Variants in BORCS5 observed in about 807,000 individuals in gnomAD.
The protein encoded by BORCS5 is BLOC-1-related complex subunit 5.
A neutral mutation model predicts 22.1 loss-of-function variants in BORCS5; 17 were observed. That is an observed-to-expected ratio of 0.77 (90% CI 0.53 to 1.15). The LOEUF (loss-of-function observed/expected upper bound fraction) is 1.15, where lower values mean the gene tolerates loss of function less well. Ranked by LOEUF, BORCS5 falls within the 50% of genes most tolerant of loss-of-function variation. BORCS5 has a pLI of 0.00. For synonymous variants in BORCS5, 117 were observed against 99.8 expected (o/e 1.17, Z -1.03); for missense variants, 247 against 253.2 (o/e 0.98, Z 0.17).
intron 2 of BORCS5, among the ~76,000 whole-genome samples, chr12:12,383,490 G>A (rs1863817561): frequency 6.6e-6 from 1 of 151,244 alleles, no homozygotes; most frequent in Non-Finnish European, 1.5e-5. Flanking sequence ...TTGGACTTCA[G>A]GTCCCCAACC....
In BORCS5 at chr12:12,427,469, C is replaced by A. The variant is rs145892614; in HGVS notation, c.203-8159C>A. Among the ~76,000 whole-genome samples the A allele has an allele frequency of 1.1e-3, 165 of 152,228 alleles. 5 individuals carry two copies. The East Asian group carries it at 0.026, about 24-fold the overall frequency. On this transcript the variant is annotated intron_variant, in intron 2 of 3. Coordinates refer to ENST00000314565, the MANE Select transcript of BORCS5 (RefSeq NM_058169.6). Reference sequence around the variant, plus strand: ...TGCTGGGATTACAGGCGTGAGCCACCGCGCCCGGCCAGACTTTCCCTTTCT... The same window carrying A: ...TGCTGGGATTACAGGCGTGAGCCACAGCGCCCGGCCAGACTTTCCCTTTCT...
chr12:12,444,924 T>C (rs1411213945), intron 3 of BORCS5, among the ~76,000 whole-genome samples: 1 of 152,218 alleles, frequency 6.6e-6, no homozygotes, highest in Non-Finnish European at 1.5e-5. Context: ...TGAGGATAGC[T>C]AATGAGCTTA....
chr12:12,359,326 G>A (rs1049266431), intron 1 of BORCS5, among the ~76,000 whole-genome samples: 1 of 150,144 alleles, frequency 6.7e-6, no homozygotes, highest in African/African-American at 2.4e-5. Context: ...GAGCCCAGGA[G>A]TTTAAATCCA....
intron 2 of BORCS5, among the ~76,000 whole-genome samples, chr12:12,425,654 A>G (rs1478034475): frequency 6.6e-6 from 1 of 152,202 alleles, no homozygotes; most frequent in Admixed American, 6.5e-5. Flanking sequence ...AGAAATGCCT[A>G]TTTAAATCCT....
At chr12:12,366,057 G>T (rs1863400232) in intron 2 of BORCS5, among the ~76,000 whole-genome samples, 1 of 152,162 alleles carries the variant, frequency 6.6e-6, no homozygotes, top group Non-Finnish European at 1.5e-5. Flanking sequence ...CTGGGCTGCT[G>T]CAGGGGCCAG....
intron 3 of BORCS5, among the ~76,000 whole-genome samples, chr12:12,459,897 C>T (rs1264571932): frequency 1.3e-5 from 2 of 152,196 alleles, no homozygotes; most frequent in Non-Finnish European, 2.9e-5. Flanking sequence ...TTTTATGGAT[C>T]TGTGTGTCTC....
At chr12:12,423,955 G>T (rs1347857786) in intron 2 of BORCS5, among the ~76,000 whole-genome samples, 1 of 152,224 alleles carries the variant, frequency 6.6e-6, no homozygotes, top group East Asian at 1.9e-4. Flanking sequence ...CTCCCAAAGT[G>T]CTGGGATTAC....
At chr12:12,407,840 G>C (rs2136081323) in intron 2 of BORCS5, among the ~76,000 whole-genome samples, 1 of 151,834 alleles carries the variant, frequency 6.6e-6, no homozygotes, top group East Asian at 1.9e-4. Context: ...CTCCTGAGTA[G>C]CTGGGACCTC....
chr12:12,407,989 G>A (rs1390654671), intron 2 of BORCS5, among the ~76,000 whole-genome samples: 1 of 152,158 alleles, frequency 6.6e-6, no homozygotes. Flanking sequence ...GGTTACAGGT[G>A]TGAGCCACCG....
At chr12:12,394,897 T>C (rs983258809) in intron 2 of BORCS5, among the ~76,000 whole-genome samples, 3 of 152,044 alleles carry the variant, frequency 2.0e-5, no homozygotes, top group South Asian at 4.1e-4. Context: ...CATCCACATA[T>C]AGATAATGCT....
chr12:12,404,799 A>G (rs1941557007), intron 2 of BORCS5, among the ~76,000 whole-genome samples: 1 of 152,144 alleles, frequency 6.6e-6, no homozygotes, highest in Non-Finnish European at 1.5e-5. Context: ...CCTGGGTTCA[A>G]GTGATTCTCC....
intron 3 of BORCS5, among the ~76,000 whole-genome samples, chr12:12,441,766 G>T (rs1592131091): frequency 6.6e-6 from 1 of 151,732 alleles, no homozygotes; most frequent in South Asian, 2.1e-4. Context: ...AACCCTGCAG[G>T]ATTTCTTTCA....
At chr12:12,437,663 G>C (rs1176453818) in intron 3 of BORCS5, among the ~76,000 whole-genome samples, 1 of 152,144 alleles carries the variant, frequency 6.6e-6, no homozygotes, top group Non-Finnish European at 1.5e-5. Flanking sequence ...AAACTTAGTT[G>C]ACCTCAGAAC....
At chr12:12,425,035 A>T (rs1450532353) in intron 2 of BORCS5, among the ~76,000 whole-genome samples, 1 of 152,154 alleles carries the variant, frequency 6.6e-6, no homozygotes, top group Non-Finnish European at 1.5e-5. Context: ...CTCTGTCTGC[A>T]CCTTTGTGAT....
At position 12,451,062 on chromosome 12, in the gene BORCS5, G is replaced by A. The variant is rs925319985; in HGVS notation, c.361-14484G>A. ...GTCCTCCAGTATGGATGCCAGTTTTGTTTCTGTTAGAGTGTGTGGAGTGAG... is the reference window on the plus strand; with the variant it reads ...GTCCTCCAGTATGGATGCCAGTTTTATTTCTGTTAGAGTGTGTGGAGTGAG... On this transcript the variant is annotated intron_variant, in intron 3 of 3. Transcript: ENST00000314565. 9.2e-5 allele frequency among the ~76,000 whole-genome samples: 14 copies of A among 151,970 alleles called. 1 individual carries two copies. The highest frequency in any genetic ancestry group is 3.9e-4 in the Admixed American group (6 of 15,268).
At chr12:12,420,213 A>G (rs1454018751) in intron 2 of BORCS5, among the ~76,000 whole-genome samples, 1 of 146,624 alleles carries the variant, frequency 6.8e-6, no homozygotes, top group Non-Finnish European at 1.5e-5. Flanking sequence ...ATTTTGAATT[A>G]ATTTTTGTAT....
intron 3 of BORCS5, among the ~76,000 whole-genome samples, chr12:12,440,646 AG>A (rs936295859): frequency 2.0e-5 from 3 of 148,776 alleles, no homozygotes; most frequent in African/African-American, 7.4e-5. Context: ...TGAGAGGAAG[AG>A]GGGGGCATTG....
At chr12:12,435,865 C>A in intron 3 of BORCS5, 80 bp downstream of exon 3, 1 of 1,395,484 alleles carries the variant, frequency 7.2e-7, no homozygotes, top group South Asian at 1.3e-5. Context: ...TAAGACTTGA[C>A]ATTTGTCACT....
In BORCS5 at chr12:12,369,712, CTTTTTTTTTTTTTTTT is replaced by C. The variant is rs71061052; in HGVS notation, c.202+8378_202+8393del. On this transcript the variant is annotated intron_variant, in intron 2 of 3. Transcript: ENST00000314565. ...GTGTGGTTTCATTCACCCCCCACTT[CTTTTTTTTTTTTTTTT>C]TTTTTTTTTTTTTTGAGAAAAAGTC... 5.8e-4 allele frequency among the ~76,000 whole-genome samples: 25 copies of C among 42,950 alleles called. No homozygotes were observed. In the East Asian group the frequency reaches 0.014, roughly 23 times the overall value. 28.2% of individuals were successfully genotyped at this position (42,950 alleles called of 152,430 possible).
Sources: allele counts gnomAD v4.1 joint callset (sites outside exome capture counted in the v4.1 genomes callset), GRCh38; gene constraint gnomAD v4.1.1; transcripts MANE v1.5; gene names NCBI Gene and HGNC (gene_info 2026-07-23, HGNC 2026-07-21).